RAD54L2: variants seen among roughly 807,000 people sequenced by gnomAD.
RAD54L2 encodes helicase ARIP4.
In RAD54L2, 27 loss-of-function variants were observed where a neutral mutation model predicts 138.4. The observed-to-expected ratio is 0.20, with a 90% CI of 0.14 to 0.27. The LOEUF is 0.27. Among genes scored for constraint, RAD54L2 ranks in the 10% least tolerant of loss-of-function variants. RAD54L2 has a pLI of 1.00. For missense variants in RAD54L2, 1,396 were observed against 1,890.2 expected, an observed-to-expected ratio of 0.74 and a Z score of 4.85; for synonymous variants, 644 against 723.2, an observed-to-expected ratio of 0.89 and a Z score of 1.76.
At chr3:51,554,524 CAATAAATAAATA>C (rs747180756) in intron 2 of RAD54L2, among the ~76,000 whole-genome samples, 1 of 151,604 alleles carries the variant, frequency 6.6e-6, no homozygotes, top group African/African-American at 2.4e-5. Flanking sequence ...AACTCCATCT[CAATAAATAAATA>C]AATAAATAAA....
At chr3:51,545,954 T>C (rs1698681857) in intron 2 of RAD54L2, among the ~76,000 whole-genome samples, 1 of 147,672 alleles carries the variant, frequency 6.8e-6, no homozygotes, top group Non-Finnish European at 1.5e-5. Flanking sequence ...TTTTTTTTTT[T>C]TGGAGATGGC....
At chr3:51,628,388 AT>A in intron 4 of RAD54L2, among the ~76,000 whole-genome samples, 1 of 151,524 alleles carries the variant, frequency 6.6e-6, no homozygotes, top group South Asian at 2.1e-4. Context: ...TCTTTTCTTA[AT>A]TTATTTATTT....
intron 20 of RAD54L2, 87 bp downstream of exon 20, chr3:51,656,257 G>T: frequency 8.0e-7 from 1 of 1,246,854 alleles, no homozygotes; most frequent in Non-Finnish European, 1.1e-6. Flanking sequence ...AACACCTTTT[G>T]TATTTCTGGC....
chr3:51,634,678 C>A (rs1003566909), intron 9 of RAD54L2, among the ~76,000 whole-genome samples: 1 of 152,036 alleles, frequency 6.6e-6, no homozygotes, highest in Non-Finnish European at 1.5e-5. Flanking sequence ...TCTCTACTGT[C>A]TAATTTTTTA....
chr3:51,574,882 T>C (rs1699430233), intron 2 of RAD54L2, among the ~76,000 whole-genome samples: 1 of 152,250 alleles, frequency 6.6e-6, no homozygotes, highest in Non-Finnish European at 1.5e-5. Flanking sequence ...TGGCTTTTGT[T>C]GCCATTGATT....
chr3:51,599,774 C>T (rs1175908365), intron 3 of RAD54L2, among the ~76,000 whole-genome samples: 2 of 149,680 alleles, frequency 1.3e-5, no homozygotes, highest in Admixed American at 6.7e-5. Context: ...GCAAAAACCG[C>T]GATTACTTTT....
chr3:51,664,399 A>AT lies in RAD54L2; in HGVS notation c.*984dup, dbSNP rs1371326195. On this transcript the variant is annotated 3_prime_UTR_variant, in exon 23 of 23. Transcript: ENST00000684192. ...TCGCAGAGTTGTGGCTGGAAAATAC[A>AT]TTTTTCACCAGGGTAGAACTGAGCC... is the stretch of plus-strand genomic sequence containing the variant. 1 of 151,976 alleles carries AT rather than the reference A, an allele frequency of 6.6e-6. No homozygotes were observed. The highest frequency in any genetic ancestry group is 1.5e-5 in the Non-Finnish European group (1 of 68,000). The allele number at this position is 151,976 out of a possible 1,614,324, so 9.4% of individuals were successfully genotyped here.
Position 51,593,421 on chromosome 3 carries a change from C to T in RAD54L2, c.139+2862C>T, listed in dbSNP as rs181841166. ...GATCTCGGCTCACTGCAACCTCTTC[C>T]TCCCAGGTTTACGCCATTCTCCTGC... On this transcript the variant is annotated intron_variant, in intron 3 of 22. Coordinates refer to ENST00000684192, the MANE Select transcript of RAD54L2 (RefSeq NM_015106.4). Among the ~76,000 whole-genome samples the T allele has an allele frequency of 4.5e-3, 682 of 151,934 alleles. 4 individuals are homozygous for T. The highest frequency in any genetic ancestry group is 0.016 in the African/African-American group (655 of 41,388).
chr3:51,655,978 A>C lies in RAD54L2; in HGVS notation c.3034A>C (p.Thr1012Pro). ...PAFSQRNWQP[T>P]LKGDEKPVAS... is the part of the protein sequence containing the mutation. Reference sequence around the variant, plus strand: ...CTTGTCTTTCTCTTACAGGCAGCCAACTTTGAAGGGTGATGAAAAGCCTGT... The same window carrying C: ...CTTGTCTTTCTCTTACAGGCAGCCACCTTTGAAGGGTGATGAAAAGCCTGT... Residue 1012 changes from threonine to proline, a missense_variant, in exon 20 of 23, where the codon ACT (threonine) becomes CCT (proline). Around this residue, in one of 7 missense-constraint regions of RAD54L2, gnomAD observed 634 missense variants for 711.2 expected, o/e 0.89. Transcript: ENST00000684192. 6.3e-7 allele frequency: 1 copy of C among 1,599,272 alleles called. No homozygotes were observed.
At chr3:51,659,465 C>T (rs937683472) in intron 21 of RAD54L2, among the ~76,000 whole-genome samples, 1 of 152,186 alleles carries the variant, frequency 6.6e-6, no homozygotes. Context: ...GCAGCACTGA[C>T]ATTCGAGGAG....
At chr3:51,540,896 G>T (rs556430470) in intron 1 of RAD54L2, among the ~76,000 whole-genome samples, 4 of 152,126 alleles carry the variant, frequency 2.6e-5, no homozygotes, top group African/African-American at 9.6e-5. Context: ...ACAAAAATTA[G>T]CCGGTGGGGT....
intron 3 of RAD54L2, among the ~76,000 whole-genome samples, chr3:51,616,774 A>G (rs1559638155): frequency 6.6e-6 from 1 of 152,072 alleles, no homozygotes; most frequent in African/African-American, 2.4e-5. Flanking sequence ...GTTGCAGTGA[A>G]TGGGGATCAT....
Position 51,663,217 on chromosome 3 carries a change from C to G in RAD54L2, c.4201C>G (p.Pro1401Ala). The G allele has an allele frequency of 1.8e-5, 29 of 1,613,974 alleles. 1 individual carries two copies. The highest frequency in any genetic ancestry group is 2.5e-5 in the Non-Finnish European group (29 of 1,179,880). The change falls in exon 23 of 23, where the codon CCT becomes GCT. Residue 1401 changes from proline (P) to alanine (A), a missense_variant. Coordinates refer to ENST00000684192, the MANE Select transcript of RAD54L2 (RefSeq NM_015106.4). ...LSEPRMFAPF[P>A]SPVLPSNLSR... ...CGAGCCGAGGATGTTTGCGCCTTTTCCTTCCCCTGTCTTGCCCAGCAACCT... is the reference window on the plus strand; with the variant it reads ...CGAGCCGAGGATGTTTGCGCCTTTTGCTTCCCCTGTCTTGCCCAGCAACCT...
chr3:51,662,533 C>G lies in RAD54L2; in HGVS notation c.3517C>G (p.Pro1173Ala). The part of the protein sequence containing the change: ...GLARPVSPDS[P>A]EIISELQQYA... ...GGCCAGGCCCGTCTCTCCTGACAGC[C>G]CAGAGATCATCAGTGAGCTTCAGCA... The change falls in exon 23 of 23, where the codon CCA (proline) becomes GCA (alanine). Residue 1173 changes from proline to alanine, a missense_variant. By Grantham distance (27) the Pro-to-Ala change is conservative (BLOSUM62 -1). Coordinates refer to ENST00000684192, the MANE Select transcript of RAD54L2 (RefSeq NM_015106.4). The surrounding 1 kb of genome is among the most constrained non-coding windows in gnomAD (Gnocchi z 4.6). The G allele has an allele frequency of 6.2e-7, 1 of 1,613,706 alleles. No homozygotes were observed. Among genetic ancestry groups the G allele is most frequent in the South Asian group, 1.1e-5 (1 of 91,010 alleles).
In RAD54L2 at chr3:51,667,237, CTCCG is replaced by C. The variant is rs1173503402; in HGVS notation, c.*3819_*3822del. ...CTTGAGTGCAATGGTGTGATCTTGGCTCCGTGCAACCTCCACTCCCGGTTTCAAG... is the reference window on the plus strand; with the variant it reads ...CTTGAGTGCAATGGTGTGATCTTGGCTGCAACCTCCACTCCCGGTTTCAAG... On this transcript the variant is annotated 3_prime_UTR_variant, in exon 23 of 23. Transcript: ENST00000684192. The C allele has an allele frequency of 6.6e-6, 1 of 151,394 alleles. No homozygotes were observed. The highest frequency in any genetic ancestry group is 1.5e-5 in the Non-Finnish European group (1 of 68,062). The allele number at this position is 151,394 out of a possible 1,614,324, so 9.4% of individuals were successfully genotyped here. A position where few individuals can be genotyped will look rare whatever the true frequency, so the allele number is the denominator to read the frequency against.
intron 9 of RAD54L2, 87 bp downstream of exon 9, chr3:51,634,122 A>T: frequency 1.4e-6 from 2 of 1,456,972 alleles, no homozygotes; most frequent in Non-Finnish European, 1.9e-6. Context: ...TTGAGTGTGT[A>T]GCCTGTGCAT....
chr3:51,556,816 TC>T (rs1347318016), intron 2 of RAD54L2, among the ~76,000 whole-genome samples: 1 of 152,078 alleles, frequency 6.6e-6, no homozygotes, highest in Non-Finnish European at 1.5e-5. Context: ...CCAAAGGTGA[TC>T]CGCCCGCCTC....
Position 51,637,580 on chromosome 3 carries a change from A to G in RAD54L2, c.1682+77A>G. 7.1e-7 allele frequency: 1 copy of G among 1,413,222 alleles called. No individual in the cohort carries two copies. Among genetic ancestry groups the G allele is most frequent in the East Asian group, 2.5e-5 (1 of 40,324 alleles). 87.5% of individuals were successfully genotyped at this position (1,413,222 alleles called of 1,614,324 possible). On this transcript the variant is annotated intron_variant, in intron 11 of 22. Coordinates refer to ENST00000684192, the MANE Select transcript of RAD54L2 (RefSeq NM_015106.4). This position sits in a 1 kb window ranked among gnomAD's most constrained non-coding sequence, Gnocchi z 5.9. The stretch of plus-strand genomic sequence containing the variant: ...CAAGGGCATGCCAAACCTGTTATAC[A>G]GGATAGGGTGTTGGAGTAGGAGGGC...
chr3:51,600,217 C>T (rs532277839), intron 3 of RAD54L2, among the ~76,000 whole-genome samples: 1 of 152,250 alleles, frequency 6.6e-6, no homozygotes, highest in Non-Finnish European at 1.5e-5. Flanking sequence ...GCTGAGATTA[C>T]AGGCGTGAGC....
Sources: gnomAD v4.1 joint callset for allele counts (sites outside exome capture counted in the v4.1 genomes callset) on GRCh38, gnomAD v4.1.1 for gene constraint, gnomAD v4.1.1 regional missense constraint, Gnocchi (gnomAD v3.1) non-coding constraint, MANE v1.5 for transcripts, NCBI Gene and HGNC (gene_info 2026-07-23, HGNC 2026-07-21) for gene names.